Variants in CDK5RAP2 observed in about 807,000 individuals in gnomAD.
CDK5RAP2 encodes CDK5 regulatory subunit associated protein 2.
Under a neutral mutation model 232.9 loss-of-function variants are expected in CDK5RAP2, and 147 were observed. That is an observed-to-expected ratio of 0.63 (90% CI 0.55 to 0.72). The LOEUF (loss-of-function observed/expected upper bound fraction) is 0.72, where lower values mean the gene tolerates loss of function less well. Ranked by LOEUF, CDK5RAP2 falls within the 30% of genes least tolerant of loss-of-function variation. The pLI is 0.00. For synonymous variants in CDK5RAP2, 833 were observed against 833.7 expected (o/e 1.00, Z 0.01); for missense variants, 2,195 against 2,231.5 (o/e 0.98, Z 0.33).
chr9:120,545,027 A>G (rs555594102), intron 5 of CDK5RAP2, among the ~76,000 whole-genome samples: 91 of 152,326 alleles, frequency 6.0e-4, no homozygotes, highest in Non-Finnish European at 1.0e-3. Context: ...TTGTTGTTCA[A>G]TATTTTAATA....
At chr9:120,433,634 T>A (rs1330880645) in intron 25 of CDK5RAP2, among the ~76,000 whole-genome samples, 1 of 152,250 alleles carries the variant, frequency 6.6e-6, no homozygotes, top group Non-Finnish European at 1.5e-5. Context: ...TCTCTATGCC[T>A]CAGTTCATCA....
At chr9:120,536,989 A>C (rs10984945) in intron 6 of CDK5RAP2, among the ~76,000 whole-genome samples, 11,495 of 152,060 alleles carry the variant, frequency 0.076, 675 homozygotes, top group East Asian at 0.29. Context: ...AAAAAAAAAA[A>C]AAAAACAACT....
chr9:120,406,873 C>A, intron 32 of CDK5RAP2, 139 bp downstream of exon 32: 1 of 691,192 alleles, frequency 1.4e-6, no homozygotes, highest in South Asian at 1.8e-5. Context: ...GTCAGGTCCC[C>A]TGGCTCCTAG....
chr9:120,500,014 T>C (rs2039501189), intron 12 of CDK5RAP2, among the ~76,000 whole-genome samples: 1 of 152,226 alleles, frequency 6.6e-6, no homozygotes, highest in Admixed American at 6.5e-5. Flanking sequence ...GAAAAGTTTT[T>C]TGTTTTGTTT....
intron 12 of CDK5RAP2, chr9:120,517,907 A>G (rs1377346202): frequency 2.2e-5 from 7 of 320,282 alleles, no homozygotes; most frequent in Non-Finnish European, 4.4e-5. Context: ...AAAAACAACA[A>G]AGAATCAGTG....
intron 18 of CDK5RAP2, among the ~76,000 whole-genome samples, chr9:120,467,341 TGCA>T: frequency 6.6e-6 from 1 of 152,342 alleles, no homozygotes; most frequent in African/African-American, 2.4e-5. Context: ...GTGTGCCATC[TGCA>T]GCACAGGTCC....
chr9:120,459,501 T>C (rs939321908), intron 19 of CDK5RAP2, among the ~76,000 whole-genome samples: 1 of 152,258 alleles, frequency 6.6e-6, no homozygotes, highest in Non-Finnish European at 1.5e-5. Flanking sequence ...TTGTTACTTA[T>C]AGGGTCTTCT....
chr9:120,493,446 A>T (rs1376109492), intron 12 of CDK5RAP2, among the ~76,000 whole-genome samples: 1 of 152,216 alleles, frequency 6.6e-6, no homozygotes, highest in Non-Finnish European at 1.5e-5. Context: ...CTCTTTATAG[A>T]CGTATTCAGC....
At chr9:120,429,972 C>T in intron 25 of CDK5RAP2, among the ~76,000 whole-genome samples, 1 of 152,146 alleles carries the variant, frequency 6.6e-6, no homozygotes. Flanking sequence ...CTACAACTAT[C>T]TGATCTTTGA....
chr9:120,400,375 A>C (rs2032893398), intron 35 of CDK5RAP2, among the ~76,000 whole-genome samples: 1 of 152,274 alleles, frequency 6.6e-6, no homozygotes, highest in South Asian at 2.1e-4. Flanking sequence ...GAGCTAGTCC[A>C]TGAGGACAAA....
chr9:120,419,287 C>A (rs2034426805), intron 27 of CDK5RAP2, among the ~76,000 whole-genome samples: 1 of 152,088 alleles, frequency 6.6e-6, no homozygotes, highest in African/African-American at 2.4e-5. Flanking sequence ...TACAACAATC[C>A]AAATAGACTA....
intron 25 of CDK5RAP2, among the ~76,000 whole-genome samples, chr9:120,434,756 G>A (rs966188517): frequency 1.3e-5 from 2 of 152,178 alleles, no homozygotes; most frequent in African/African-American, 4.8e-5. Context: ...GGATCAACAC[G>A]TCAAATACTG....
At chr9:120,507,558 T>C (rs1945570407) in intron 12 of CDK5RAP2, among the ~76,000 whole-genome samples, 1 of 152,108 alleles carries the variant, frequency 6.6e-6, no homozygotes, top group Non-Finnish European at 1.5e-5. Context: ...TGGGCCTTCC[T>C]CTAGAAATTG....
chr9:120,401,841 G>A (rs111655512), intron 34 of CDK5RAP2, among the ~76,000 whole-genome samples: 10 of 151,896 alleles, frequency 6.6e-5, no homozygotes, highest in African/African-American at 1.9e-4. Context: ...AAAATCAGCC[G>A]GGCATGGTGG....
intron 24 of CDK5RAP2, among the ~76,000 whole-genome samples, chr9:120,439,140 G>A (rs554732220): frequency 1.2e-4 from 18 of 152,250 alleles, no homozygotes; most frequent in Non-Finnish European, 2.4e-4. Flanking sequence ...TGAGGAGGGC[G>A]AAATCTGCCC....
chr9:120,447,868 A>G (rs1345451895), intron 22 of CDK5RAP2, 27 bp downstream of exon 22: 2 of 1,520,346 alleles, frequency 1.3e-6, no homozygotes, highest in African/African-American at 2.7e-5. Flanking sequence ...TCTAGCTCAC[A>G]GGGAATACAT....
At position 120,403,139 on chromosome 9, in the gene CDK5RAP2, G is replaced by A; in HGVS notation, c.5042-68C>T. On this transcript the variant is annotated intron_variant, in intron 33 of 37. Transcript: ENST00000349780. The surrounding 1 kb of genome is among the most constrained non-coding windows in gnomAD (Gnocchi z 4.2). ...ACTCTGCGTTCAAGACGCTTATGAT[G>A]TTGAAGCTAGCTAGGAGGGCTAGAA... The A allele has an allele frequency of 1.3e-6, 2 of 1,541,696 alleles. No individual in the cohort carries two copies. Among genetic ancestry groups the A allele is most frequent in the Non-Finnish European group, 1.8e-6 (2 of 1,116,596 alleles).
At chr9:120,447,574 G>A (rs1483780525) in intron 22 of CDK5RAP2, among the ~76,000 whole-genome samples, 4 of 152,194 alleles carry the variant, frequency 2.6e-5, no homozygotes, top group Non-Finnish European at 4.4e-5. Context: ...GATGCCACAC[G>A]CCAGAGGCAT....
intron 1 of CDK5RAP2, among the ~76,000 whole-genome samples, chr9:120,576,041 A>T (rs575210297): frequency 2.0e-5 from 3 of 152,230 alleles, no homozygotes; most frequent in African/African-American, 7.2e-5. Context: ...ATTCTGTTCT[A>T]TTTTTCTAAA....
Sources: gnomAD v4.1 joint callset for allele counts (sites outside exome capture counted in the v4.1 genomes callset) on GRCh38, gnomAD v4.1.1 for gene constraint, Gnocchi (gnomAD v3.1) non-coding constraint, MANE v1.5 for transcripts, NCBI Gene and HGNC (gene_info 2026-07-23, HGNC 2026-07-21) for gene names.